Variants in YLPM1 observed in about 807,000 individuals in gnomAD.
YLPM1 encodes YLP motif-containing protein 1.
In YLPM1, 99 loss-of-function variants were observed where a neutral mutation model predicts 230.0. That is an observed-to-expected ratio of 0.43 (90% CI 0.37 to 0.51). The LOEUF (loss-of-function observed/expected upper bound fraction) is 0.51. YLPM1 is among the 20% of genes least tolerant of loss of function. The pLI, the probability that YLPM1 is intolerant of heterozygous loss-of-function variation, is 0.00. For synonymous variants in YLPM1, 984 were observed against 942.5 expected, an observed-to-expected ratio of 1.04 and a Z score of -0.81; for missense variants, 2,592 against 2,707.7, an observed-to-expected ratio of 0.96 and a Z score of 0.95.
intron 1 of YLPM1, among the ~76,000 whole-genome samples, chr14:74,775,273 T>A (rs1188408033): frequency 6.6e-6 from 1 of 152,204 alleles, no homozygotes; most frequent in Non-Finnish European, 1.5e-5. Context: ...GCTCTAGCAC[T>A]ATGCTTGACT....
At position 74,812,810 on chromosome 14, in the gene YLPM1, C is replaced by T. The variant is rs967330026; in HGVS notation, c.5502+28C>T. 5.6e-6 allele frequency: 9 copies of T among 1,600,268 alleles called. No individual in the cohort carries two copies. In the East Asian group the frequency reaches 6.7e-5, roughly 12 times the overall value. On this transcript the variant is annotated intron_variant, in intron 11 of 20. Coordinates refer to ENST00000325680, the MANE Select transcript of YLPM1 (RefSeq NM_019589.3). ...GAGTCCTATGAAGTTGATTCGTCTT[C>T]GTGCAAACCAGAAGATAAGAGATCT...
At chr14:74,780,051 G>T (rs552924142) in intron 2 of YLPM1, among the ~76,000 whole-genome samples, 7 of 152,162 alleles carry the variant, frequency 4.6e-5, no homozygotes, top group African/African-American at 1.7e-4. Context: ...TGATCCACCC[G>T]CCTTGGCCTC....
intron 11 of YLPM1, 77 bp downstream of exon 11, chr14:74,812,859 CTTTA>C: frequency 6.8e-7 from 1 of 1,471,984 alleles, no homozygotes; most frequent in Non-Finnish European, 9.1e-7. Flanking sequence ...AAAAGAATTT[CTTTA>C]TTTTTCTGCA....
At chr14:74,769,329 A>G (rs1399023874) in intron 1 of YLPM1, among the ~76,000 whole-genome samples, 5 of 120,872 alleles carry the variant, frequency 4.1e-5, no homozygotes, top group Non-Finnish European at 8.1e-5. Flanking sequence ...CTGGGGTGCA[A>G]TGGCACGATC....
Position 74,797,824 on chromosome 14 carries a change from G to C in YLPM1, c.2527G>C (p.Ala843Pro). 1.2e-6 allele frequency: 2 copies of C among 1,613,956 alleles called. No individual in the cohort carries two copies. The highest frequency in any genetic ancestry group is 2.2e-5 in the East Asian group (1 of 44,872). ...SGPQWKGPKP[A>P]FGQQHQQQPK... ...ACCACAGTGGAAAGGCCCCAAACCA[G>C]CTTTTGGACAGCAGCATCAGCAGCA... Residue 843 changes from alanine to proline, a missense_variant, in exon 5 of 21, where the codon GCT becomes CCT. Physicochemically the swap from Ala to Pro is conservative, Grantham distance 27. Around this residue, in one of 4 missense-constraint regions of YLPM1, gnomAD observed 1,862 missense variants for 1,819.8 expected, o/e 1.02. Coordinates refer to ENST00000325680, the MANE Select transcript of YLPM1 (RefSeq NM_019589.3).
In YLPM1 at chr14:74,798,684, G is replaced by T. The variant is rs143193297; in HGVS notation, c.3387G>T (p.Gly1129=). The T allele has an allele frequency of 6.8e-6, 11 of 1,611,924 alleles. No homozygotes were observed. The highest frequency in any genetic ancestry group is 9.3e-6 in the Non-Finnish European group (11 of 1,178,760). ...AGAGGGGACCTCTTCGAAGGGCTGGGAGTAGAGAGAGAATACCACCCCGAA... is the reference window on the plus strand; with the variant it reads ...AGAGGGGACCTCTTCGAAGGGCTGGTAGTAGAGAGAGAATACCACCCCGAA... ...SQERGPLRRA[G]SRERIPPRRA... is the part of the protein sequence containing the mutation. The change falls in exon 5 of 21, where the codon GGG becomes GGT. Residue 1129 remains glycine (G), a synonymous_variant. Coordinates refer to ENST00000325680, the MANE Select transcript of YLPM1 (RefSeq NM_019589.3).
At chr14:74,796,369 C>G (rs2091261139) in intron 4 of YLPM1, among the ~76,000 whole-genome samples, 1 of 152,226 alleles carries the variant, frequency 6.6e-6, no homozygotes, top group Non-Finnish European at 1.5e-5. Flanking sequence ...CGCCTTTCCT[C>G]TTGCTTCCTT....
rs748061738 is a variant in YLPM1, at chr14:74,812,817, A to C, written c.5502+35A>C. 3.1e-6 allele frequency: 5 copies of C among 1,593,380 alleles called. No homozygotes were observed. The African/African-American group carries it at 6.7e-5, about 21-fold the overall frequency. ...ATGAAGTTGATTCGTCTTCGTGCAA[A>C]CCAGAAGATAAGAGATCTTGTTAAT... On this transcript the variant is annotated intron_variant, in intron 11 of 20. Coordinates refer to ENST00000325680, the MANE Select transcript of YLPM1 (RefSeq NM_019589.3).
Position 74,816,989 on chromosome 14 carries a change from A to T in YLPM1, c.5744A>T (p.Lys1915Ile), listed in dbSNP as rs1285302272. The change falls in exon 14 of 21, where the codon AAA becomes ATA. Residue 1915 changes from lysine (K) to isoleucine (I), a missense_variant. This residue lies in a region of YLPM1 where 315 missense variants were observed against 429.3 expected (regional missense o/e 0.73). Transcript: ENST00000325680. Reference protein sequence around the residue: ...MEETYRTSMFKTFKKTLDDGF... With the variant: ...MEETYRTSMFITFKKTLDDGF... ...GAGACTTACCGCACCAGCATGTTCA[A>T]AACTTTCAAAAAGACTCTGGATGAT... 6.2e-7 allele frequency: 1 copy of T among 1,609,880 alleles called. No homozygotes were observed.
At chr14:74,768,667 C>T (rs945592451) in intron 1 of YLPM1, among the ~76,000 whole-genome samples, 3 of 152,170 alleles carry the variant, frequency 2.0e-5, no homozygotes, top group African/African-American at 2.4e-5. Flanking sequence ...TAAATACTTA[C>T]GGACTAGCAA....
chr14:74,811,127 T>C (rs1317474809), intron 9 of YLPM1, among the ~76,000 whole-genome samples: 1 of 152,050 alleles, frequency 6.6e-6, no homozygotes, highest in Non-Finnish European at 1.5e-5. Flanking sequence ...ATGCCCAGCT[T>C]TCCCATGAAC....
chr14:74,781,623 C>T lies in YLPM1; in HGVS notation c.1580C>T (p.Pro527Leu). Residue 527 changes from proline (P) to leucine (L), a missense_variant, in exon 4 of 21, where the codon CCT becomes CTT. Around this residue, in one of 4 missense-constraint regions of YLPM1, gnomAD observed 1,862 missense variants for 1,819.8 expected, o/e 1.02. Coordinates refer to ENST00000325680, the MANE Select transcript of YLPM1 (RefSeq NM_019589.3). ...PPPFVPYSQMPPPLPTMPPPV... is the reference protein window; with the variant it reads ...PPPFVPYSQMLPPLPTMPPPV... Reference sequence around the variant, plus strand: ...CCTTTTGTTCCATATTCTCAGATGCCTCCACCTCTACCTACAATGCCCCCT... The same window carrying T: ...CCTTTTGTTCCATATTCTCAGATGCTTCCACCTCTACCTACAATGCCCCCT... The T allele has an allele frequency of 6.2e-7, 1 of 1,613,904 alleles. No individual in the cohort carries two copies. Among genetic ancestry groups the T allele is most frequent in the Non-Finnish European group, 8.5e-7 (1 of 1,179,866 alleles).
At chr14:74,780,775 T>A (rs2091084722) in intron 3 of YLPM1, among the ~76,000 whole-genome samples, 191 bp downstream of exon 3, 1 of 152,192 alleles carries the variant, frequency 6.6e-6, no homozygotes, top group Non-Finnish European at 1.5e-5. Flanking sequence ...TAGTAGAGTT[T>A]CCTGATCATG....
In YLPM1 at chr14:74,812,710, C is replaced by T. The variant is rs753086543; in HGVS notation, c.5430C>T (p.Val1810=). The T allele has an allele frequency of 4.2e-5, 68 of 1,613,360 alleles. No individual in the cohort carries two copies. The highest frequency in any genetic ancestry group is 1.6e-4 in the Middle Eastern group (1 of 6,062). ...LSHQPPPAPR[V]EKKPESKNVD... The stretch of plus-strand genomic sequence containing the variant: ...ACCAGCCTCCTCCAGCTCCACGAGT[C>T]GAGAAGAAGCCTGAATCAAAGAATG... The change falls in exon 11 of 21, where the codon GTC becomes GTT. Residue 1810 remains valine (V), a synonymous_variant. Coordinates refer to ENST00000325680, the MANE Select transcript of YLPM1 (RefSeq NM_019589.3).
rs933602333 is a variant in YLPM1 at position 74,812,746 on chromosome 14, T to A, written c.5466T>A (p.Ile1822=). The A allele has an allele frequency of 1.2e-6, 2 of 1,613,592 alleles. No homozygotes were observed. Among genetic ancestry groups the A allele is most frequent in the Non-Finnish European group, 1.7e-6 (2 of 1,179,742 alleles). The change falls in exon 11 of 21, where the codon ATT becomes ATA. Residue 1822 remains isoleucine, a synonymous_variant. Coordinates refer to ENST00000325680, the MANE Select transcript of YLPM1 (RefSeq NM_019589.3). ...KKPESKNVDD[I]LKPPGRESRP... is the part of the protein sequence containing the mutation. ...CTGAATCAAAGAATGTGGACGATATTTTGAAACCACCGGGCCGGGAGAGCA... is the reference window on the plus strand; with the variant it reads ...CTGAATCAAAGAATGTGGACGATATATTGAAACCACCGGGCCGGGAGAGCA...
chr14:74,777,007 A>C (rs1483086034), intron 1 of YLPM1, among the ~76,000 whole-genome samples: 1 of 151,980 alleles, frequency 6.6e-6, no homozygotes, highest in Non-Finnish European at 1.5e-5. Context: ...AGTGAGCTGA[A>C]ACTGCACCAC....
At chr14:74,764,464 G>A in intron 1 of YLPM1, 102 bp downstream of exon 1, 1 of 1,373,002 alleles carries the variant, frequency 7.3e-7, no homozygotes, top group Non-Finnish European at 9.7e-7. Flanking sequence ...AACACACAAT[G>A]ACTAGCTAAC....
chr14:74,772,029 A>C (rs1785097911), intron 1 of YLPM1, among the ~76,000 whole-genome samples: 1 of 152,046 alleles, frequency 6.6e-6, no homozygotes, highest in Non-Finnish European at 1.5e-5. Flanking sequence ...GACATAGAAC[A>C]TTGTCTTATA....
rs3083626 is a variant in YLPM1 at position 74,796,968 on chromosome 14, C to CTTTTTTT, written c.2283-598_2283-592dup. Among the ~76,000 whole-genome samples the CTTTTTTT allele has an allele frequency of 1.6e-4, 14 of 88,952 alleles. 1 individual carries two copies. The highest frequency in any genetic ancestry group is 3.7e-4 in the East Asian group (1 of 2,732). 58.4% of individuals were successfully genotyped at this position (88,952 alleles called of 152,430 possible). A position where few individuals can be genotyped will look rare whatever the true frequency, so the allele number is the denominator to read the frequency against. On this transcript the variant is annotated intron_variant, in intron 4 of 20. Transcript: ENST00000325680. ...TCCTAAGGCACAGTATTTATAATTG[C>CTTTTTTT]TTTTTTTTTTTTTTTTTTTTGAGAC...
Sources: gnomAD v4.1 joint callset for allele counts (sites outside exome capture counted in the v4.1 genomes callset) on GRCh38, gnomAD v4.1.1 for gene constraint, gnomAD v4.1.1 regional missense constraint, MANE v1.5 for transcripts, NCBI Gene and HGNC (gene_info 2026-07-23, HGNC 2026-07-21) for gene names.